ENPP1: variants seen among roughly 807,000 people sequenced by gnomAD.
ENPP1 encodes the protein ectonucleotide pyrophosphatase/phosphodiesterase family member 1.
ENPP1 carries 73 observed loss-of-function variants against 122.8 expected under a neutral mutation model. The ratio of observed to expected loss-of-function variants is 0.59; its 90% CI spans 0.49 to 0.72. ENPP1 has a LOEUF of 0.72. Among genes scored for constraint, ENPP1 ranks in the 30% least tolerant of loss-of-function variants. The pLI, the probability that ENPP1 is intolerant of heterozygous loss-of-function variation, is 0.00. For synonymous variants in ENPP1, 367 were observed against 391.6 expected (o/e 0.94, Z 0.74); for missense variants, 978 against 1,128.1 (o/e 0.87, Z 1.91).
chr6:131,841,580 G>C (rs529896605), intron 1 of ENPP1, among the ~76,000 whole-genome samples: 1 of 152,286 alleles, frequency 6.6e-6, no homozygotes, highest in Admixed American at 6.5e-5. Flanking sequence ...GGGATTTATG[G>C]TTTCTCCCCA....
intron 1 of ENPP1, among the ~76,000 whole-genome samples, chr6:131,832,120 T>C (rs1245775108): frequency 6.6e-6 from 1 of 152,180 alleles, no homozygotes; most frequent in Non-Finnish European, 1.5e-5. Flanking sequence ...TGTTTAGCAC[T>C]TCCTTACTTT....
intron 1 of ENPP1, among the ~76,000 whole-genome samples, chr6:131,833,791 G>A (rs1016387253): frequency 2.0e-5 from 3 of 152,152 alleles, no homozygotes; most frequent in Non-Finnish European, 4.4e-5. Flanking sequence ...AGCATTTTGC[G>A]ACAGTGACAG....
chr6:131,867,334 T>C (rs988079153), intron 11 of ENPP1, among the ~76,000 whole-genome samples: 3 of 152,184 alleles, frequency 2.0e-5, no homozygotes, highest in Admixed American at 6.5e-5. Flanking sequence ...TCAAATGGTT[T>C]TGCAAGGAGA....
Position 131,886,741 on chromosome 6 carries a change from T to C in ENPP1, c.2607+17T>C, listed in dbSNP as rs1350890320. 7 of 1,607,318 alleles carry C rather than the reference T, an allele frequency of 4.4e-6. No homozygotes were observed. In the African/African-American group the frequency reaches 9.4e-5, roughly 22 times the overall value. Reference sequence around the variant, plus strand: ...AGCTGTGTGGTAAGTAGCTTTTGTATATTTACTTTGCATGTTGAAAATCTA... The same window carrying C: ...AGCTGTGTGGTAAGTAGCTTTTGTACATTTACTTTGCATGTTGAAAATCTA... On this transcript the variant is annotated intron_variant, in intron 24 of 24. Coordinates refer to ENST00000647893, the MANE Select transcript of ENPP1 (RefSeq NM_006208.3).
At chr6:131,827,046 G>A in intron 1 of ENPP1, 1 of 571,500 alleles carries the variant, frequency 1.7e-6, no homozygotes, top group South Asian at 1.7e-5. Flanking sequence ...CTGTGAGACG[G>A]CAGACGGCAG....
chr6:131,825,406 C>G (rs1181169744), intron 1 of ENPP1, among the ~76,000 whole-genome samples: 1 of 152,110 alleles, frequency 6.6e-6, no homozygotes, highest in East Asian at 1.9e-4. Flanking sequence ...CTACATGTGG[C>G]TATTTAAATT....
At chr6:131,876,580 G>A (rs184502674) in intron 17 of ENPP1, among the ~76,000 whole-genome samples, 1 of 152,274 alleles carries the variant, frequency 6.6e-6, no homozygotes, top group East Asian at 1.9e-4. Flanking sequence ...GACAAAGCTG[G>A]TTTTGAATTC....
rs1781329846 is a variant in ENPP1, at chr6:131,810,129, C to G, written c.240+1854C>G. Reference sequence around the variant, plus strand: ...ATCTCAGCACTTTGGGAAGTTGAGGCGGTTCCATTGCTTGAGCCCAGGAGT... The same window carrying G: ...ATCTCAGCACTTTGGGAAGTTGAGGGGGTTCCATTGCTTGAGCCCAGGAGT... On this transcript the variant is annotated intron_variant, in intron 1 of 24. Coordinates refer to ENST00000647893, the MANE Select transcript of ENPP1 (RefSeq NM_006208.3). 4.6e-5 allele frequency among the ~76,000 whole-genome samples: 7 copies of G among 152,130 alleles called. 1 individual carries two copies. The highest frequency in any genetic ancestry group is 4.6e-4 in the Admixed American group (7 of 15,274).
At chr6:131,848,429 G>A (rs931011391) in intron 2 of ENPP1, among the ~76,000 whole-genome samples, 5 of 151,780 alleles carry the variant, frequency 3.3e-5, no homozygotes, top group South Asian at 2.1e-4. Flanking sequence ...CCATCCTCTC[G>A]CAATAAAATC....
intron 1 of ENPP1, among the ~76,000 whole-genome samples, chr6:131,822,315 A>G (rs1224439307): frequency 1.3e-5 from 2 of 152,234 alleles, no homozygotes; most frequent in Non-Finnish European, 2.9e-5. Flanking sequence ...CGGGAATCAC[A>G]TGAATCATTT....
intron 1 of ENPP1, among the ~76,000 whole-genome samples, chr6:131,811,434 A>ATCTATATCTGTATCTATATC (rs567977915): frequency 3.4e-5 from 5 of 147,886 alleles, no homozygotes; most frequent in African/African-American, 1.3e-4. Context: ...CTATATCTAT[A>ATCTATATCTGTATCTATATC]TATATGTAGA....
chr6:131,830,414 A>G (rs1012648163), intron 1 of ENPP1, among the ~76,000 whole-genome samples: 1 of 152,182 alleles, frequency 6.6e-6, no homozygotes, highest in African/African-American at 2.4e-5. Context: ...GACACTCCCT[A>G]TAGGTGACCA....
chr6:131,882,324 C>G (rs1297941029), intron 20 of ENPP1, 21 bp from the exon 21 acceptor site: 2 of 1,553,586 alleles, frequency 1.3e-6, no homozygotes, highest in Non-Finnish European at 1.7e-6. Flanking sequence ...TCTGAGAGTT[C>G]TTCTCATTTT....
chr6:131,841,922 T>G (rs1781745674), intron 1 of ENPP1, among the ~76,000 whole-genome samples: 1 of 152,162 alleles, frequency 6.6e-6, no homozygotes, highest in Admixed American at 6.5e-5. Flanking sequence ...CTGGGATTAT[T>G]AAATCCAGTC....
intron 18 of ENPP1, chr6:131,877,866 AATATATATATATATATATATATAT>A (rs35142604): frequency 1.9e-5 from 1 of 53,022 alleles, no homozygotes; most frequent in Non-Finnish European, 3.0e-5. Context: ...AAAAAAAAAA[AATATATATATATATATATATATAT>A]ATATATATAG....
At chr6:131,809,036 GTTA>G (rs1047949958) in intron 1 of ENPP1, among the ~76,000 whole-genome samples, 35 of 152,274 alleles carry the variant, frequency 2.3e-4, no homozygotes, top group Non-Finnish European at 5.0e-4. Context: ...ATTCCTGGCT[GTTA>G]TTATTTGCTG....
intron 11 of ENPP1, among the ~76,000 whole-genome samples, 175 bp downstream of exon 11, chr6:131,865,113 G>T (rs188799077): frequency 1.3e-5 from 2 of 152,338 alleles, no homozygotes; most frequent in South Asian, 2.1e-4. Flanking sequence ...AGAGTTGGGA[G>T]AATTGTTTAG....
chr6:131,879,365 A>T (rs921868284), intron 19 of ENPP1, among the ~76,000 whole-genome samples: 14 of 152,184 alleles, frequency 9.2e-5, no homozygotes, highest in Non-Finnish European at 2.1e-4. Flanking sequence ...ATGGGCATAT[A>T]ACCTTAATTC....
intron 20 of ENPP1, 133 bp downstream of exon 20, chr6:131,880,167 G>A: frequency 3.1e-6 from 3 of 966,788 alleles, no homozygotes; most frequent in Non-Finnish European, 5.0e-6. Flanking sequence ...TGAAGAGGGA[G>A]TCAGAAAAAT....
Sources: gnomAD v4.1 joint callset for allele counts (sites outside exome capture counted in the v4.1 genomes callset) on GRCh38, gnomAD v4.1.1 for gene constraint, MANE v1.5 for transcripts, NCBI Gene and HGNC (gene_info 2026-07-23, HGNC 2026-07-21) for gene names.